TEDC1: variants seen among roughly 807,000 people sequenced by gnomAD.
TEDC1 encodes the protein tubulin epsilon and delta complex 1.
Under a neutral mutation model 59.9 loss-of-function variants are expected in TEDC1, and 54 were observed. That is an observed-to-expected ratio of 0.90 (90% CI 0.72 to 1.13). TEDC1 has a LOEUF of 1.13. Among genes scored for constraint, TEDC1 ranks in the 50% most tolerant of loss-of-function variants. TEDC1 has a pLI of 0.00. For synonymous variants in TEDC1, 353 were observed against 298.1 expected (o/e 1.18, Z -1.90); for missense variants, 734 against 683.4 (o/e 1.07, Z -0.83).
intron 6 of TEDC1, chr14:105,496,358 A>C (rs1035013681): frequency 5.3e-5 from 25 of 475,504 alleles, no homozygotes; most frequent in South Asian, 9.6e-5. Flanking sequence ...CCGCCCACAG[A>C]CCTCCCTGTC....
At chr14:105,493,813 G>C (rs375393536) in intron 4 of TEDC1, 22 bp from the exon 5 acceptor site, 48 of 1,578,034 alleles carry the variant, frequency 3.0e-5, no homozygotes, top group Non-Finnish European at 4.0e-5. Flanking sequence ...ACTCAGCCTG[G>C]GGTCTGCACT....
Position 105,498,669 on chromosome 14 carries a change from G to A in TEDC1, c.1211G>A (p.Arg404Gln), listed in dbSNP as rs782228940. Residue 404 changes from arginine to glutamine, a missense_variant, in exon 9 of 9, where the codon CGG becomes CAG. Coordinates refer to ENST00000392523, the MANE Select transcript of TEDC1 (RefSeq NM_001367178.1). ...TGGAGTGCCGCGCGGCGGGCCTCTC[G>A]GGAGGCTGTGGAAAAGGAGCTGGGA... ...PEWSAARRASREAVEKELGAL... is the reference protein window; with the variant it reads ...PEWSAARRASQEAVEKELGAL... 46 of 1,553,858 alleles carry A rather than the reference G, an allele frequency of 3.0e-5. No individual in the cohort carries two copies. Among genetic ancestry groups the A allele is most frequent in the Non-Finnish European group, 3.7e-5 (42 of 1,149,408 alleles).
chr14:105,494,143 C>T, intron 5 of TEDC1: 2 of 591,550 alleles, frequency 3.4e-6, no homozygotes, highest in Non-Finnish European at 6.0e-6. Flanking sequence ...TCACCCTTCC[C>T]TTCCACAAAT....
chr14:105,499,077 C>G lies in TEDC1; in HGVS notation c.*131C>G. 9.7e-7 allele frequency: 1 copy of G among 1,026,306 alleles called. No individual in the cohort carries two copies. The highest frequency in any genetic ancestry group is 1.4e-6 in the Non-Finnish European group (1 of 723,140). 63.6% of individuals were successfully genotyped at this position (1,026,306 alleles called of 1,614,324 possible). A position where few individuals can be genotyped will look rare whatever the true frequency, so the allele number is the denominator to read the frequency against. ...GCAGAGCCCACGTCACATGCTCGCT[C>G]CAGGGGTGGGGCTGGGCTGACTCTG... On this transcript the variant is annotated 3_prime_UTR_variant, in exon 9 of 9. Transcript: ENST00000392523.
At chr14:105,496,129 T>C (rs1555440408) in intron 6 of TEDC1, 43 bp downstream of exon 6, 3 of 31,920 alleles carry the variant, frequency 9.4e-5, no homozygotes, top group African/African-American at 6.2e-4. Flanking sequence ...CCGCAGGACT[T>C]GGGGGTGGGT....
In TEDC1 at chr14:105,492,576, C is replaced by T; in HGVS notation, c.430-3C>T. 1 of 1,537,690 alleles carries T rather than the reference C, an allele frequency of 6.5e-7. No homozygotes were observed. Among genetic ancestry groups the T allele is most frequent in the Non-Finnish European group, 8.7e-7 (1 of 1,146,610 alleles). On this transcript the variant is annotated splice_region_variant and splice_polypyrimidine_tract_variant and intron_variant, in intron 3 of 8. Transcript: ENST00000392523. ...GCAGGGCCTGACCCTTGCCCCTCTC[C>T]AGTGTGAGGCCCTGGCCAGCCCTGG...
At chr14:105,491,014 G>T, upstream of TEDC1, 3 of 1,549,766 alleles carry the variant, frequency 1.9e-6, no homozygotes. Context: ...GTCCGCACGA[G>T]ACAGAATAGA....
rs145196075 is a variant in TEDC1 at position 105,497,553 on chromosome 14, G to C, written c.978+110G>C. 3.5e-4 allele frequency: 463 copies of C among 1,330,862 alleles called. 4 individuals are homozygous for C. In the African/African-American group the frequency reaches 6.4e-3, roughly 18 times the overall value. 82.4% of individuals were successfully genotyped at this position (1,330,862 alleles called of 1,614,324 possible). ...GACAGGAAGAGGGGCTTTTAGGGAGGCCACAGACCTAGTGTAGGCTCTTTC... is the reference window on the plus strand; with the variant it reads ...GACAGGAAGAGGGGCTTTTAGGGAGCCCACAGACCTAGTGTAGGCTCTTTC... On this transcript the variant is annotated intron_variant, in intron 7 of 8. Transcript: ENST00000392523.
At chr14:105,492,846 G>A in intron 4 of TEDC1, 112 bp downstream of exon 4, 1 of 1,400,404 alleles carries the variant, frequency 7.1e-7, no homozygotes, top group Non-Finnish European at 9.5e-7. Flanking sequence ...TTGGCTGGAT[G>A]TGGGCCTTCC....
chr14:105,494,516 C>T (rs587625211), intron 5 of TEDC1: 6 of 154,576 alleles, frequency 3.9e-5, no homozygotes, highest in South Asian at 2.0e-4. Flanking sequence ...GGGGGCACGG[C>T]GCTTTCTAGG....
chr14:105,496,643 C>T (rs73371853), intron 6 of TEDC1: 6,118 of 163,232 alleles, frequency 0.037, 357 homozygotes, highest in African/African-American at 0.12. Context: ...CCTGGGAGGC[C>T]TTCCGTGTGT....
rs782413462 is a variant in TEDC1, at chr14:105,498,826, G to A, written c.1368G>A (p.Arg456=). ...CAGCTGTGGTGATCAGGACGCTGAG[G>A]AGCCAGGAGGCCTGCCTGGAGGCGG... ...LRAAVVIRTL[R]SQEACLEAVL... The change falls in exon 9 of 9, where the codon AGG becomes AGA. Residue 456 remains arginine (R), a synonymous_variant. Transcript: ENST00000392523. 8.1e-6 allele frequency: 13 copies of A among 1,606,016 alleles called. No homozygotes were observed. Among genetic ancestry groups the A allele is most frequent in the Admixed American group, 1.7e-5 (1 of 58,848 alleles).
chr14:105,493,314 C>T (rs1413722106), intron 4 of TEDC1, among the ~76,000 whole-genome samples: 2 of 143,054 alleles, frequency 1.4e-5, no homozygotes, highest in Non-Finnish European at 3.1e-5. Flanking sequence ...GGGTCTGTTG[C>T]TCAGCTGGCC....
chr14:105,499,237 C>T lies in TEDC1; in HGVS notation c.*291C>T, dbSNP rs1371281954. ...TGTAGCAGCTTTCCTGCCGCTGGCCCTCCCCCTGCCACCCTGTCGGGTTTC... is the reference window on the plus strand; with the variant it reads ...TGTAGCAGCTTTCCTGCCGCTGGCCTTCCCCCTGCCACCCTGTCGGGTTTC... On this transcript the variant is annotated 3_prime_UTR_variant, in exon 9 of 9. Transcript: ENST00000392523. The T allele has an allele frequency of 6.6e-5, 34 of 515,244 alleles. No homozygotes were observed. The highest frequency in any genetic ancestry group is 5.6e-5 in the Non-Finnish European group (16 of 288,280). The allele number at this position is 515,244 out of a possible 1,614,324, so 31.9% of individuals were successfully genotyped here.
Position 105,493,862 on chromosome 14 carries a change from A to G in TEDC1, c.613A>G (p.Ser205Gly), listed in dbSNP as rs144656487. The change falls in exon 5 of 9, where the codon AGC (serine) becomes GGC (glycine). Residue 205 changes from serine to glycine, a missense_variant. By Grantham distance (56) the Ser-to-Gly change is moderately conservative. Transcript: ENST00000392523. ...CCACCTGTACACACGCGGCTGCCAC[A>G]GCGACCAGAGCCTTAGCCATCTGTC... ...KIHLYTRGCHSDQSLSHLSVT... is the reference protein window; with the variant it reads ...KIHLYTRGCHGDQSLSHLSVT... 8.5e-5 allele frequency: 136 copies of G among 1,603,798 alleles called. No homozygotes were observed. The African/African-American group carries it at 1.6e-3, about 18-fold the overall frequency.
Position 105,491,389 on chromosome 14 carries a change from G to A in TEDC1, c.14G>A (p.Arg5Gln), listed in dbSNP as rs983489160. ...GGTGCTGGCTGCATGGGGAGGCGGCGGCAGCGGGTGGACCCCGCGGCTGGG... is the reference window on the plus strand; with the variant it reads ...GGTGCTGGCTGCATGGGGAGGCGGCAGCAGCGGGTGGACCCCGCGGCTGGG... MGRR[R>Q]QRVDPAAGAR... The change falls in exon 1 of 9, where the codon CGG becomes CAG. Residue 5 changes from arginine to glutamine, a missense_variant. Physicochemically the swap from Arg to Gln is conservative, Grantham distance 43. Coordinates refer to ENST00000392523, the MANE Select transcript of TEDC1 (RefSeq NM_001367178.1). 1.4e-5 allele frequency: 20 copies of A among 1,421,612 alleles called. No homozygotes were observed. Among genetic ancestry groups the A allele is most frequent in the Non-Finnish European group, 1.7e-5 (19 of 1,097,290 alleles). The allele number at this position is 1,421,612 out of a possible 1,614,324, so 88.1% of individuals were successfully genotyped here.
rs1294238593 is a variant in TEDC1, at chr14:105,495,793, G to C, written c.685-87G>C. 7 of 1,102,942 alleles carry C rather than the reference G, an allele frequency of 6.3e-6. No individual in the cohort carries two copies. In the African/African-American group the frequency reaches 9.3e-5, roughly 15 times the overall value. 68.3% of individuals were successfully genotyped at this position (1,102,942 alleles called of 1,614,324 possible). A position where few individuals can be genotyped will look rare whatever the true frequency, so the allele number is the denominator to read the frequency against. On this transcript the variant is annotated intron_variant, in intron 5 of 8. Coordinates refer to ENST00000392523, the MANE Select transcript of TEDC1 (RefSeq NM_001367178.1). ...ACCACCCTCTGTGGTGGGCTGGGGG[G>C]GCCTGGAAGTGAGGCCCCGCCCTCT...
At chr14:105,493,690 C>T in intron 4 of TEDC1, 145 bp from the exon 5 acceptor site, 1 of 640,942 alleles carries the variant, frequency 1.6e-6, no homozygotes, top group South Asian at 1.8e-5. Flanking sequence ...CCGCCAACCT[C>T]AGGCAAGGAG....
At chr14:105,495,004 G>A (rs1294446540) in intron 5 of TEDC1, 1 of 152,284 alleles carries the variant, frequency 6.6e-6, no homozygotes, top group Non-Finnish European at 1.5e-5. Flanking sequence ...CTGAGTAGCT[G>A]GGACTACAGG....
Sources: gnomAD v4.1 joint callset for allele counts (sites outside exome capture counted in the v4.1 genomes callset) on GRCh38, gnomAD v4.1.1 for gene constraint, MANE v1.5 for transcripts, NCBI Gene and HGNC (gene_info 2026-07-23, HGNC 2026-07-21) for gene names.